ADARB2: variants seen among roughly 807,000 people sequenced by gnomAD.
ADARB2 encodes adenosine deaminase RNA specific B2 (inactive), also known as inactive double-stranded RNA-specific editase B2.
Under a neutral mutation model 62.2 loss-of-function variants are expected in ADARB2, and 25 were observed. The observed-to-expected ratio is 0.40, with a 90% CI of 0.29 to 0.56. The LOEUF is 0.56. Ranked by LOEUF, ADARB2 falls within the 20% of genes least tolerant of loss-of-function variation. The pLI is 0.43. For synonymous variants in ADARB2, 572 were observed against 500.8 expected (o/e 1.14, Z -1.90); for missense variants, 1,071 against 1,077.4 (o/e 0.99, Z 0.08).
chr10:1,673,087 A>G (rs1293348529), intron 1 of ADARB2, among the ~76,000 whole-genome samples: 1 of 152,134 alleles, frequency 6.6e-6, no homozygotes, highest in Non-Finnish European at 1.5e-5. Flanking sequence ...GCTTCACCTC[A>G]TTCCTTTTGG....
At chr10:1,372,191 T>C (rs1832378599) in intron 2 of ADARB2, among the ~76,000 whole-genome samples, 1 of 152,222 alleles carries the variant, frequency 6.6e-6, no homozygotes, top group African/African-American at 2.4e-5. Flanking sequence ...GCCATTATCC[T>C]AAATGAACTA....
intron 3 of ADARB2, among the ~76,000 whole-genome samples, chr10:1,275,902 A>G (rs1055430210): frequency 2.6e-5 from 4 of 151,814 alleles, no homozygotes; most frequent in Admixed American, 6.6e-5. Flanking sequence ...AATCCAGTCT[A>G]TCATTGTTGG....
At chr10:1,444,665 C>G (rs559854181) in intron 1 of ADARB2, among the ~76,000 whole-genome samples, 1 of 151,052 alleles carries the variant, frequency 6.6e-6, no homozygotes, top group Non-Finnish European at 1.5e-5. Context: ...TTCACTCATT[C>G]ATCCATCCAT....
chr10:1,727,240 T>G (rs1307078006), intron 1 of ADARB2, among the ~76,000 whole-genome samples: 1 of 152,156 alleles, frequency 6.6e-6, no homozygotes, highest in African/African-American at 2.4e-5. Flanking sequence ...CCCCCATTCT[T>G]GAGAAATCCC....
chr10:1,282,923 T>C (rs1355743931), intron 3 of ADARB2, among the ~76,000 whole-genome samples: 1 of 152,196 alleles, frequency 6.6e-6, no homozygotes, highest in Non-Finnish European at 1.5e-5. Flanking sequence ...CATTGTGTAT[T>C]ATGACCAATC....
chr10:1,191,530 C>T (rs752719188), intron 8 of ADARB2, among the ~76,000 whole-genome samples: 6 of 152,308 alleles, frequency 3.9e-5, no homozygotes, highest in South Asian at 2.1e-4. Context: ...ATAACGCCCT[C>T]GCTACCTGAG....
chr10:1,454,957 C>T (rs934614556), intron 1 of ADARB2, among the ~76,000 whole-genome samples: 1 of 152,196 alleles, frequency 6.6e-6, no homozygotes, highest in South Asian at 2.1e-4. Context: ...CTGTTTAATA[C>T]CAACAAGCGA....
At chr10:1,339,116 C>T (rs190419562) in intron 3 of ADARB2, among the ~76,000 whole-genome samples, 2 of 152,178 alleles carry the variant, frequency 1.3e-5, no homozygotes, top group African/African-American at 4.8e-5. Flanking sequence ...CCACACTAGC[C>T]GGGTTGCTCG....
chr10:1,360,345 G>A (rs1303769392), intron 3 of ADARB2, among the ~76,000 whole-genome samples: 2 of 152,186 alleles, frequency 1.3e-5, no homozygotes, highest in Admixed American at 6.5e-5. Context: ...TAACAGGGCC[G>A]TCAGACAAGG....
At chr10:1,734,183 T>C (rs1366751563) in intron 1 of ADARB2, among the ~76,000 whole-genome samples, 1 of 151,904 alleles carries the variant, frequency 6.6e-6, no homozygotes, top group Non-Finnish European at 1.5e-5. Flanking sequence ...ATAACAGAAG[T>C]AGGATTGATG....
At chr10:1,234,082 T>C (rs927090145) in intron 5 of ADARB2, among the ~76,000 whole-genome samples, 7 of 151,430 alleles carry the variant, frequency 4.6e-5, no homozygotes, top group Non-Finnish European at 7.4e-5. Context: ...GCAATTCTTC[T>C]GCCTTGAGTA....
At chr10:1,475,109 CGCG>C (rs1333935386) in intron 1 of ADARB2, among the ~76,000 whole-genome samples, 1 of 152,160 alleles carries the variant, frequency 6.6e-6, no homozygotes, top group Non-Finnish European at 1.5e-5. Flanking sequence ...GAGAAATCAA[CGCG>C]GCGTCGTCAA....
chr10:1,424,046 G>T (rs1343105367), intron 1 of ADARB2, among the ~76,000 whole-genome samples: 8 of 152,076 alleles, frequency 5.3e-5, no homozygotes, highest in Non-Finnish European at 1.0e-4. Context: ...ATATGCAGTA[G>T]GTCTACTATG....
chr10:1,540,947 C>G (rs377626271), intron 1 of ADARB2, among the ~76,000 whole-genome samples: 1 of 61,042 alleles, frequency 1.6e-5, no homozygotes, highest in Non-Finnish European at 3.2e-5. Flanking sequence ...CCCACTCAGA[C>G]GCAGTTCAGA....
intron 4 of ADARB2, among the ~76,000 whole-genome samples, chr10:1,258,937 AT>A (rs1351648467): frequency 6.6e-6 from 1 of 152,246 alleles, no homozygotes; most frequent in East Asian, 1.9e-4. Flanking sequence ...AACAGAAATT[AT>A]AACAAACTGT....
chr10:1,729,340 C>T (rs1211775627), intron 1 of ADARB2, among the ~76,000 whole-genome samples: 1 of 152,160 alleles, frequency 6.6e-6, no homozygotes, highest in African/African-American at 2.4e-5. Flanking sequence ...CTTTACATTT[C>T]TGTCCTCAGT....
intron 1 of ADARB2, among the ~76,000 whole-genome samples, chr10:1,620,242 C>A (rs950417095): frequency 6.6e-6 from 1 of 152,132 alleles, no homozygotes; most frequent in South Asian, 2.1e-4. Flanking sequence ...TTTAGATTGA[C>A]CGACCAGTAA....
chr10:1,682,608 T>TC (rs1013288439), intron 1 of ADARB2, among the ~76,000 whole-genome samples: 2 of 152,150 alleles, frequency 1.3e-5, no homozygotes, highest in African/African-American at 4.8e-5. Context: ...GGCAACTGCA[T>TC]CTCCCACTGC....
intron 3 of ADARB2, chr10:1,290,093 G>A (rs940759454): frequency 6.6e-6 from 1 of 152,202 alleles, no homozygotes; most frequent in Admixed American, 6.5e-5. Context: ...AGAAAATACG[G>A]CTTTAAAATG....
Sources: gnomAD v4.1 joint callset for allele counts (sites outside exome capture counted in the v4.1 genomes callset) on GRCh38, gnomAD v4.1.1 for gene constraint, MANE v1.5 for transcripts, NCBI Gene and HGNC (gene_info 2026-07-23, HGNC 2026-07-21) for gene names.